The following RPRD1A variants were observed in gnomAD, a reference collection of about 807,000 sequenced individuals.
The protein encoded by RPRD1A is regulation of nuclear pre-mRNA domain containing 1A, also known as regulation of nuclear pre-mRNA domain-containing protein 1A.
RPRD1A carries 9 observed loss-of-function variants against 37.8 expected under a neutral mutation model. The observed-to-expected ratio is 0.24, with a 90% CI of 0.14 to 0.42. The LOEUF is 0.42. RPRD1A is among the 10% of genes least tolerant of loss of function. The pLI is 1.00. For synonymous variants in RPRD1A, 138 were observed against 139.7 expected, an observed-to-expected ratio of 0.99 and a Z score of 0.08; for missense variants, 255 against 371.0, an observed-to-expected ratio of 0.69 and a Z score of 2.57.
intron 1 of RPRD1A, among the ~76,000 whole-genome samples, chr18:36,055,412 T>C (rs936503738): frequency 6.6e-6 from 1 of 152,222 alleles, no homozygotes; most frequent in Non-Finnish European, 1.5e-5. Context: ...CTTCCTTCTA[T>C]TAGCCTGTAC....
At chr18:36,062,575 T>A (rs1399731346) in intron 1 of RPRD1A, among the ~76,000 whole-genome samples, 1 of 152,122 alleles carries the variant, frequency 6.6e-6, no homozygotes, top group East Asian at 1.9e-4. Context: ...TCATACAATA[T>A]TCTATTCGGC....
At chr18:36,025,506 A>G in intron 6 of RPRD1A, 1 of 557,620 alleles carries the variant, frequency 1.8e-6, no homozygotes. Context: ...GTAAACAGTG[A>G]CAAATGACCA....
chr18:36,043,939 A>G (rs1912775231), intron 1 of RPRD1A, among the ~76,000 whole-genome samples: 1 of 152,218 alleles, frequency 6.6e-6, no homozygotes, highest in Non-Finnish European at 1.5e-5. Flanking sequence ...CTAACAGACT[A>G]TCACTGAGCA....
At chr18:36,048,063 C>CT (rs1156933838) in intron 1 of RPRD1A, among the ~76,000 whole-genome samples, 15,836 of 114,498 alleles carry the variant, frequency 0.14, 1,368 homozygotes, top group African/African-American at 0.19. Context: ...GTACCCATTC[C>CT]TTTTTTTTTT....
At chr18:36,045,928 G>A (rs1912922266) in intron 1 of RPRD1A, among the ~76,000 whole-genome samples, 2 of 152,096 alleles carry the variant, frequency 1.3e-5, no homozygotes, top group Non-Finnish European at 2.9e-5. Flanking sequence ...AGTCATGTGT[G>A]GACATTGTTG....
At chr18:36,008,246 C>A (rs967214131) in intron 6 of RPRD1A, among the ~76,000 whole-genome samples, 11 of 151,816 alleles carry the variant, frequency 7.2e-5, no homozygotes, top group African/African-American at 2.7e-4. Flanking sequence ...TAAACTATTC[C>A]TTGGGTGCTT....
chr18:36,001,599 G>A (rs1420073852), intron 6 of RPRD1A, among the ~76,000 whole-genome samples: 1 of 152,056 alleles, frequency 6.6e-6, no homozygotes, highest in Non-Finnish European at 1.5e-5. Context: ...AGAGATTCTG[G>A]GCTTATGTTT....
chr18:36,029,172 C>T (rs1786218), intron 4 of RPRD1A, among the ~76,000 whole-genome samples: 151,186 of 152,338 alleles, frequency 0.99, 75,029 homozygotes, highest in South Asian at 1. Flanking sequence ...AACAGGTAGG[C>T]TGACTCAGGT....
At chr18:36,005,830 C>T (rs1909711518) in intron 6 of RPRD1A, among the ~76,000 whole-genome samples, 1 of 152,196 alleles carries the variant, frequency 6.6e-6, no homozygotes, top group African/African-American at 2.4e-5. Context: ...TTTGTACACA[C>T]AGCATGGCTA....
chr18:36,004,558 A>T (rs1199330853), intron 6 of RPRD1A, among the ~76,000 whole-genome samples: 1 of 152,088 alleles, frequency 6.6e-6, no homozygotes, highest in Non-Finnish European at 1.5e-5. Context: ...CAGCCTCAGT[A>T]TTCTTTTCGG....
chr18:36,024,461 G>C (rs2077977288), intron 6 of RPRD1A, among the ~76,000 whole-genome samples: 1 of 151,776 alleles, frequency 6.6e-6, no homozygotes, highest in South Asian at 2.1e-4. Context: ...CGGCCCAACA[G>C]TTATCTGCTT....
At chr18:36,057,443 C>T (rs573450869) in intron 1 of RPRD1A, among the ~76,000 whole-genome samples, 3 of 152,070 alleles carry the variant, frequency 2.0e-5, no homozygotes, top group African/African-American at 7.2e-5. Flanking sequence ...ACGGTCTCTA[C>T]AAAAAATACA....
chr18:36,051,350 T>C (rs1317521694), intron 1 of RPRD1A, among the ~76,000 whole-genome samples: 1 of 152,160 alleles, frequency 6.6e-6, no homozygotes, highest in African/African-American at 2.4e-5. Context: ...TTTTAAAGAC[T>C]ACTGCTCTAA....
chr18:36,026,964 C>T lies in RPRD1A; in HGVS notation c.725G>A (p.Arg242Gln), dbSNP rs768166102. The change falls in exon 6 of 7, where the codon CGA (arginine) becomes CAA (glutamine). Residue 242 changes from arginine (R) to glutamine (Q), a missense_variant. This residue lies in a region of RPRD1A where 211 missense variants were observed against 268.9 expected (regional missense o/e 0.78). Coordinates refer to ENST00000399022, the MANE Select transcript of RPRD1A (RefSeq NM_018170.5). The stretch of plus-strand genomic sequence containing the variant: ...ACAACGAAGAAAATCTGCTAACATT[C>T]GAGTGAGTTGCTTTCTATCATCTAT... The part of the protein sequence containing the change: ...AEIDDRKQLT[R>Q]MLADFLRCQK... 3.9e-5 allele frequency: 63 copies of T among 1,613,906 alleles called. No individual in the cohort carries two copies. Among genetic ancestry groups the T allele is most frequent in the Admixed American group, 5.0e-5 (3 of 59,994 alleles).
intron 1 of RPRD1A, chr18:36,063,961 G>T (rs755395495): frequency 1.3e-5 from 2 of 152,334 alleles, no homozygotes; most frequent in Non-Finnish European, 2.9e-5. Flanking sequence ...TTCCACTTAT[G>T]AAACACTTAA....
At chr18:36,057,740 C>G (rs1385399017) in intron 1 of RPRD1A, among the ~76,000 whole-genome samples, 4 of 152,208 alleles carry the variant, frequency 2.6e-5, no homozygotes, top group Non-Finnish European at 1.5e-5. Flanking sequence ...ACACCACATT[C>G]AAATGATTAC....
At chr18:36,055,542 A>T (rs1913703443) in intron 1 of RPRD1A, among the ~76,000 whole-genome samples, 1 of 152,240 alleles carries the variant, frequency 6.6e-6, no homozygotes, top group Non-Finnish European at 1.5e-5. Context: ...TCTGAAAATC[A>T]CTTAAACAAA....
At chr18:36,064,737 G>A (rs1401870829) in intron 1 of RPRD1A, among the ~76,000 whole-genome samples, 1 of 152,182 alleles carries the variant, frequency 6.6e-6, no homozygotes, top group African/African-American at 2.4e-5. Context: ...ACCCAAACCA[G>A]CAGCAACAAC....
At chr18:36,041,460 T>A (rs148046934) in intron 1 of RPRD1A, among the ~76,000 whole-genome samples, 2 of 152,214 alleles carry the variant, frequency 1.3e-5, no homozygotes, top group Non-Finnish European at 2.9e-5. Flanking sequence ...CAGAAAAGCA[T>A]GGAGATAGAT....
Sources: gnomAD v4.1 joint callset for allele counts (sites outside exome capture counted in the v4.1 genomes callset) on GRCh38, gnomAD v4.1.1 for gene constraint, gnomAD v4.1.1 regional missense constraint, MANE v1.5 for transcripts, NCBI Gene and HGNC (gene_info 2026-07-23, HGNC 2026-07-21) for gene names.